Variants in XAB2 observed in about 807,000 individuals in gnomAD.
XAB2 encodes the protein pre-mRNA-splicing factor SYF1.
A neutral mutation model predicts 113.4 loss-of-function variants in XAB2; 57 were observed. The observed-to-expected ratio is 0.50, with a 90% confidence interval of 0.41 to 0.63. The LOEUF (loss-of-function observed/expected upper bound fraction) is 0.63. Among genes scored for constraint, XAB2 ranks in the 20% least tolerant of loss-of-function variants. The pLI, the probability that XAB2 is intolerant of heterozygous loss-of-function variation, is 0.00. For missense variants in XAB2, 1,037 were observed against 1,233.3 expected (o/e 0.84, Z 2.38); for synonymous variants, 497 against 498.8 (o/e 1.00, Z 0.05).
Position 7,627,624 on chromosome 19 carries a change from A to T in XAB2, c.324+104T>A. 6.4e-7 allele frequency: 1 copy of T among 1,557,718 alleles called. No homozygotes were observed. Among genetic ancestry groups the T allele is most frequent in the Non-Finnish European group, 8.7e-7 (1 of 1,148,044 alleles). ...CCATGCAAAGAAGCAACAGGAATCCAAGCCCCCATCCCTAACATGCTGAGC... is the reference window on the plus strand; with the variant it reads ...CCATGCAAAGAAGCAACAGGAATCCTAGCCCCCATCCCTAACATGCTGAGC... On this transcript the variant is annotated intron_variant, in intron 3 of 18. Transcript: ENST00000358368. The surrounding 1 kb of genome is among the most constrained non-coding windows in gnomAD (Gnocchi z 4.5).
At position 7,627,294 on chromosome 19, in the gene XAB2, G is replaced by A; in HGVS notation, c.471C>T (p.Arg157=). The A allele has an allele frequency of 6.2e-7, 1 of 1,613,762 alleles. No homozygotes were observed. Among genetic ancestry groups the A allele is most frequent in the Non-Finnish European group, 8.5e-7 (1 of 1,180,034 alleles). The change falls in exon 4 of 19, where the codon CGC becomes CGT. Residue 157 remains arginine, a synonymous_variant. Transcript: ENST00000358368. The surrounding 1 kb of genome is among the most constrained non-coding windows in gnomAD (Gnocchi z 4.5). ...RIWPLYLRFL[R]SHPLPETAVR... is the part of the protein sequence containing the mutation. ...CAGCTGTCTCAGGCAGTGGGTGTGA[G>A]CGCAGGAAGCGCAGATACAGGGGCC... is the stretch of plus-strand genomic sequence containing the variant.
At position 7,619,547 on chromosome 19, in the gene XAB2, T is replaced by TG. The variant is rs564316553; in HGVS notation, c.*38dup. 250 of 1,040,428 alleles carry TG rather than the reference T, an allele frequency of 2.4e-4. No homozygotes were observed. In the East Asian group the frequency reaches 9.9e-3, roughly 41 times the overall value. The allele number at this position is 1,040,428 out of a possible 1,614,324, so 64.4% of individuals were successfully genotyped here. On this transcript the variant is annotated 3_prime_UTR_variant, in exon 19 of 19. Coordinates refer to ENST00000358368, the MANE Select transcript of XAB2 (RefSeq NM_020196.3). ...CCATGATGTACAAACGTAGCTGTAT[T>TG]GGGGAGGGGGTGGGGAGGGGGGATG...
rs1336082959 is a variant in XAB2, at chr19:7,619,596, T to C, written c.2558A>G (p.Lys853Arg). The C allele has an allele frequency of 4.4e-6, 7 of 1,597,038 alleles. No homozygotes were observed. In the South Asian group the frequency reaches 4.5e-5, roughly 10 times the overall value. ...TGGGGGAGGGACGGGTCAGTCTTCC[T>C]TCAGGCTCCCAAACACTGCGGCTGG... ...SVPAAVFGSL[K>R]ED Residue 853 changes from lysine to arginine, a missense_variant, in exon 19 of 19, where the codon AAG (lysine) becomes AGG (arginine). Coordinates refer to ENST00000358368, the MANE Select transcript of XAB2 (RefSeq NM_020196.3).
Position 7,627,789 on chromosome 19 carries a change from G to T in XAB2, c.263C>A (p.Thr88Asn). The T allele has an allele frequency of 6.2e-7, 1 of 1,614,024 alleles. No homozygotes were observed. Among genetic ancestry groups the T allele is most frequent in the Non-Finnish European group, 8.5e-7 (1 of 1,180,020 alleles). The part of the protein sequence containing the change: ...RRAQVKHRCV[T>N]DPAYEDVNNC... ...GTTGACATCTTCATAGGCAGGGTCG[G>T]TCACACAGCGATGCTTCACCTGTGC... The change falls in exon 3 of 19, where the codon ACC (threonine) becomes AAC (asparagine). Residue 88 changes from threonine (T) to asparagine (N), a missense_variant. Thr to Asn is a moderately conservative substitution (Grantham distance 65). Coordinates refer to ENST00000358368, the MANE Select transcript of XAB2 (RefSeq NM_020196.3). The surrounding 1 kb of genome is among the most constrained non-coding windows in gnomAD (Gnocchi z 4.5).
Position 7,623,730 on chromosome 19 carries a change from C to T in XAB2, c.1119+1G>A. The T allele has an allele frequency of 6.3e-7, 1 of 1,594,994 alleles. No homozygotes were observed. The highest frequency in any genetic ancestry group is 8.5e-7 in the Non-Finnish European group (1 of 1,172,506). ...GTAGGACTGGGGCAGGCTTCATGTA[C>T]CTCCCGGGGGCGGCCCTGGTGCAGG... On this transcript the variant is annotated splice_donor_variant, in intron 8 of 18. Coordinates refer to ENST00000358368, the MANE Select transcript of XAB2 (RefSeq NM_020196.3). LOFTEE classifies it high-confidence loss of function. This position sits in a 1 kb window ranked among gnomAD's most constrained non-coding sequence, Gnocchi z 4.6.
In XAB2 at chr19:7,623,004, G is replaced by GCACACAC; in HGVS notation, c.1240-118_1240-112dup. Reference sequence around the variant, plus strand: ...CAAACATACAGGCACAAACACACAGGCACACACACAGGCACACACATGCGT... The same window carrying GCACACAC: ...CAAACATACAGGCACAAACACACAGGCACACACCACACACACAGGCACACACATGCGT... On this transcript the variant is annotated intron_variant, in intron 9 of 18. Transcript: ENST00000358368. The surrounding 1 kb of genome is among the most constrained non-coding windows in gnomAD (Gnocchi z 4.6). 6.5e-7 allele frequency: 1 copy of GCACACAC among 1,543,822 alleles called. No individual in the cohort carries two copies. The highest frequency in any genetic ancestry group is 8.7e-7 in the Non-Finnish European group (1 of 1,144,960).
intron 12 of XAB2, 126 bp from the exon 13 acceptor site, chr19:7,621,423 G>A (rs1380032892): frequency 1.1e-5 from 11 of 1,044,814 alleles, no homozygotes; most frequent in South Asian, 8.7e-5. Flanking sequence ...CCCTGTCCAC[G>A]CCTCCCTGTC....
At position 7,623,063 on chromosome 19, in the gene XAB2, C is replaced by T. The variant is rs1032366929; in HGVS notation, c.1239+107G>A. 1.4e-5 allele frequency: 22 copies of T among 1,558,268 alleles called. No individual in the cohort carries two copies. Among genetic ancestry groups the T allele is most frequent in the Non-Finnish European group, 1.7e-5 (19 of 1,150,906 alleles). The stretch of plus-strand genomic sequence containing the variant: ...GCATGCACCCAAATGCACATGCACA[C>T]ACACGTGCACACATCCATGCACAAA... On this transcript the variant is annotated intron_variant, in intron 9 of 18. Coordinates refer to ENST00000358368, the MANE Select transcript of XAB2 (RefSeq NM_020196.3). This position sits in a 1 kb window ranked among gnomAD's most constrained non-coding sequence, Gnocchi z 4.6.
chr19:7,621,293 T>C lies in XAB2; in HGVS notation c.1622A>G (p.Tyr541Cys). Reference protein sequence around the residue: ...HKYFEESFKAYERGISLFKWP... With the variant: ...HKYFEESFKACERGISLFKWP... The stretch of plus-strand genomic sequence containing the variant: ...CTTGAACAGCGAGATGCCGCGCTCG[T>C]ACGCCTGTTACCAGAGGGAGAGTCA... Residue 541 changes from tyrosine to cysteine, a missense_variant, in exon 13 of 19, where the codon TAC (tyrosine) becomes TGC (cysteine). Physicochemically the swap from Tyr to Cys is radical, Grantham distance 194 (BLOSUM62 -2). Coordinates refer to ENST00000358368, the MANE Select transcript of XAB2 (RefSeq NM_020196.3). The C allele has an allele frequency of 6.2e-7, 1 of 1,612,702 alleles. No homozygotes were observed. Among genetic ancestry groups the C allele is most frequent in the South Asian group, 1.1e-5 (1 of 91,080 alleles).
rs200530970 is a variant in XAB2, at chr19:7,622,483, G to A, written c.1504-39C>T. 3.1e-6 allele frequency: 5 copies of A among 1,613,938 alleles called. No individual in the cohort carries two copies. In the East Asian group the frequency reaches 1.1e-4, roughly 36 times the overall value. On this transcript the variant is annotated intron_variant, in intron 11 of 18. Coordinates refer to ENST00000358368, the MANE Select transcript of XAB2 (RefSeq NM_020196.3). ...GATGGGAAAGGTTGGAGCTGGTTCT[G>A]GAGCTGAGTCCGGGGCCCCGTCCCT...
Position 7,624,511 on chromosome 19 carries a change from A to T in XAB2, c.823-66T>A. 1 of 1,606,762 alleles carries T rather than the reference A, an allele frequency of 6.2e-7. No individual in the cohort carries two copies. Among genetic ancestry groups the T allele is most frequent in the Non-Finnish European group, 8.5e-7 (1 of 1,178,276 alleles). The stretch of plus-strand genomic sequence containing the variant: ...GCAGGGGACAGGCAGCAGCACTCTT[A>T]GCACCAGCCTCAATGTGGAACCCCT... On this transcript the variant is annotated intron_variant, in intron 6 of 18. Transcript: ENST00000358368. This position sits in a 1 kb window ranked among gnomAD's most constrained non-coding sequence, Gnocchi z 4.2.
At chr19:7,622,185 G>A in intron 12 of XAB2, 146 bp downstream of exon 12, 1 of 775,092 alleles carries the variant, frequency 1.3e-6, no homozygotes, top group Non-Finnish European at 2.1e-6. Context: ...CAGCCTCCAG[G>A]ACGGGGAGAA....
Position 7,620,342 on chromosome 19 carries a change from C to T in XAB2, c.2199G>A (p.Thr733=), listed in dbSNP as rs373154920. 17 of 1,613,558 alleles carry T rather than the reference C, an allele frequency of 1.1e-5. No individual in the cohort carries two copies. The highest frequency in any genetic ancestry group is 1.3e-5 in the African/African-American group (1 of 74,928). ...MLRIRRSVQA[T]YNTQVNFMAS... Reference sequence around the variant, plus strand: ...CCATGAAGTTGACCTGCGTGTTGTACGTGGCCTGCACGCTGCGCCGGATAC... The same window carrying T: ...CCATGAAGTTGACCTGCGTGTTGTATGTGGCCTGCACGCTGCGCCGGATAC... The change falls in exon 16 of 19, where the codon ACG becomes ACA. Residue 733 remains threonine, a synonymous_variant. Coordinates refer to ENST00000358368, the MANE Select transcript of XAB2 (RefSeq NM_020196.3).
chr19:7,624,195 C>T lies in XAB2; in HGVS notation c.967+106G>A, dbSNP rs2031092964. The T allele has an allele frequency of 2.6e-6, 4 of 1,549,658 alleles. No homozygotes were observed. Among genetic ancestry groups the T allele is most frequent in the Non-Finnish European group, 2.6e-6 (3 of 1,143,736 alleles). On this transcript the variant is annotated intron_variant, in intron 7 of 18. Coordinates refer to ENST00000358368, the MANE Select transcript of XAB2 (RefSeq NM_020196.3). The surrounding 1 kb of genome is among the most constrained non-coding windows in gnomAD (Gnocchi z 4.2). ...TCCACTCAGCCTCCTTCCCTGCTGG[C>T]CCCCAGCTGAGCCTCCCAGGGCTGC...
intron 12 of XAB2, 120 bp from the exon 13 acceptor site, chr19:7,621,417 G>T: frequency 2.7e-6 from 3 of 1,104,228 alleles, no homozygotes; most frequent in Non-Finnish European, 4.0e-6. Context: ...GCCCTTCCCT[G>T]TCCACGCCTC....
Position 7,626,013 on chromosome 19 carries a change from T to C in XAB2, c.689A>G (p.Gln230Arg). The change falls in exon 6 of 19, where the codon CAG becomes CGG. Residue 230 changes from glutamine (Q) to arginine (R), a missense_variant. By Grantham distance (43) the Gln-to-Arg change is conservative. Transcript: ENST00000358368. ...LWHELCDLIS[Q>R]NPDKVQSLNV... Reference sequence around the variant, plus strand: ...GAGGGACTGTACCTTGTCCGGATTCTGGGAGATGAGGTCGCACAGCTCGTG... The same window carrying C: ...GAGGGACTGTACCTTGTCCGGATTCCGGGAGATGAGGTCGCACAGCTCGTG... 6.2e-7 allele frequency: 1 copy of C among 1,612,068 alleles called. No individual in the cohort carries two copies. The highest frequency in any genetic ancestry group is 8.5e-7 in the Non-Finnish European group (1 of 1,178,466).
chr19:7,627,552 C>A lies in XAB2; in HGVS notation c.325-112G>T. The A allele has an allele frequency of 6.7e-7, 1 of 1,503,050 alleles. No individual in the cohort carries two copies. The highest frequency in any genetic ancestry group is 1.2e-5 in the South Asian group (1 of 81,458). 93.1% of individuals were successfully genotyped at this position (1,503,050 alleles called of 1,614,324 possible). On this transcript the variant is annotated intron_variant, in intron 3 of 18. Transcript: ENST00000358368. The surrounding 1 kb of genome is among the most constrained non-coding windows in gnomAD (Gnocchi z 4.5). Reference sequence around the variant, plus strand: ...ACCTGGGGCCACCACATAAATGCGGCGGGACCCAGAAACCCCCAGCTCCAG... The same window carrying A: ...ACCTGGGGCCACCACATAAATGCGGAGGGACCCAGAAACCCCCAGCTCCAG...
At position 7,619,826 on chromosome 19, in the gene XAB2, C is replaced by G. The variant is rs780282787; in HGVS notation, c.2427G>C (p.Glu809Asp). The part of the protein sequence containing the change: ...RSDASREELA[E>D]LAQQVNPEEI... ...CCTCGGGGTTGACCTGCTGTGCCAG[C>G]TCTGCCAGCTCCTCCCGGGAGGCGT... Residue 809 changes from glutamate (E) to aspartate (D), a missense_variant, in exon 18 of 19, where the codon GAG becomes GAC. Physicochemically the swap from Glu to Asp is conservative, Grantham distance 45. Transcript: ENST00000358368. The G allele has an allele frequency of 2.6e-5, 42 of 1,612,986 alleles. No homozygotes were observed. The highest frequency in any genetic ancestry group is 3.6e-5 in the Non-Finnish European group (42 of 1,179,946).
In XAB2 at chr19:7,623,339, A is replaced by T; in HGVS notation, c.1120-50T>A. The T allele has an allele frequency of 6.2e-7, 1 of 1,601,074 alleles. No homozygotes were observed. The highest frequency in any genetic ancestry group is 1.1e-5 in the South Asian group (1 of 90,836). ...TATAGGACTCAGGACCCTGCAGATGACGGTCGGGGCAGAGCTGTGGCTCTG... is the reference window on the plus strand; with the variant it reads ...TATAGGACTCAGGACCCTGCAGATGTCGGTCGGGGCAGAGCTGTGGCTCTG... On this transcript the variant is annotated intron_variant, in intron 8 of 18. Transcript: ENST00000358368. The surrounding 1 kb of genome is among the most constrained non-coding windows in gnomAD (Gnocchi z 4.6).
Sources: allele counts gnomAD v4.1 joint callset, GRCh38; gene constraint gnomAD v4.1.1; non-coding constraint Gnocchi (gnomAD v3.1); transcripts MANE v1.5; gene names NCBI Gene and HGNC (gene_info 2026-07-23, HGNC 2026-07-21).